The following CSMD1 variants were observed in gnomAD, a reference collection of about 807,000 sequenced individuals.
CSMD1 encodes the protein CUB and sushi domain-containing protein 1.
Under a neutral mutation model 417.5 loss-of-function variants are expected in CSMD1, and 213 were observed. The ratio of observed to expected loss-of-function variants is 0.51; its 90% CI spans 0.46 to 0.57. The LOEUF (loss-of-function observed/expected upper bound fraction) is 0.57. Ranked by LOEUF, CSMD1 falls within the 20% of genes least tolerant of loss-of-function variation. The pLI is 0.00. For synonymous variants in CSMD1, 2,862 were observed against 1,736.8 expected (o/e 1.65, Z -16.11); for missense variants, 6,923 against 4,529.7 (o/e 1.53, Z -15.17).
chr8:3,841,208 T>C (rs1294767987), intron 5 of CSMD1, among the ~76,000 whole-genome samples: 3 of 152,194 alleles, frequency 2.0e-5, no homozygotes, highest in Non-Finnish European at 2.9e-5. Context: ...TTCCATACAA[T>C]TTCAATAAAC....
At chr8:3,261,227 T>C (rs915857720) in intron 26 of CSMD1, among the ~76,000 whole-genome samples, 2 of 152,156 alleles carry the variant, frequency 1.3e-5, no homozygotes, top group African/African-American at 2.4e-5. Flanking sequence ...AAATGTTGCA[T>C]AGGAGGCAGA....
intron 3 of CSMD1, among the ~76,000 whole-genome samples, chr8:4,286,694 T>C (rs1797073983): frequency 6.6e-6 from 1 of 152,118 alleles, no homozygotes; most frequent in African/African-American, 2.4e-5. Flanking sequence ...ACAGTGGAAA[T>C]CAAACAAGAG....
chr8:3,832,327 T>C (rs1361089549), intron 5 of CSMD1, among the ~76,000 whole-genome samples: 5 of 152,332 alleles, frequency 3.3e-5, no homozygotes, highest in African/African-American at 1.2e-4. Flanking sequence ...ATGTTCCTTG[T>C]TCAAAATATA....
intron 5 of CSMD1, among the ~76,000 whole-genome samples, chr8:3,967,516 G>T (rs1316796366): frequency 6.6e-6 from 1 of 151,924 alleles, no homozygotes; most frequent in African/African-American, 2.4e-5. Flanking sequence ...CTTGGATGGA[G>T]AATTAAAGAG....
At chr8:4,651,646 G>A (rs1265568637) in intron 1 of CSMD1, among the ~76,000 whole-genome samples, 2 of 152,130 alleles carry the variant, frequency 1.3e-5, no homozygotes, top group Non-Finnish European at 2.9e-5. Context: ...CACATCTTCT[G>A]GGATAATTCT....
chr8:4,759,388 C>G (rs1247002067), intron 1 of CSMD1, among the ~76,000 whole-genome samples: 3 of 152,168 alleles, frequency 2.0e-5, no homozygotes, highest in African/African-American at 7.2e-5. Flanking sequence ...GGCTATTATC[C>G]AATGGCATCT....
intron 2 of CSMD1, among the ~76,000 whole-genome samples, chr8:4,614,756 G>T (rs1375130300): frequency 6.6e-6 from 1 of 152,064 alleles, no homozygotes; most frequent in African/African-American, 2.4e-5. Flanking sequence ...ACTGTCACCT[G>T]AGATAATAAT....
At chr8:3,941,871 C>A (rs1183563174) in intron 5 of CSMD1, among the ~76,000 whole-genome samples, 1 of 152,116 alleles carries the variant, frequency 6.6e-6, no homozygotes, top group Non-Finnish European at 1.5e-5. Flanking sequence ...TGGCTATGGG[C>A]CAGTGTCAGT....
intron 3 of CSMD1, among the ~76,000 whole-genome samples, chr8:4,283,662 C>A (rs756773580): frequency 6.6e-6 from 1 of 152,176 alleles, no homozygotes; most frequent in Non-Finnish European, 1.5e-5. Flanking sequence ...CCAACAGACA[C>A]ACCTCAGTTT....
intron 7 of CSMD1, among the ~76,000 whole-genome samples, chr8:3,635,367 G>C (rs890475583): frequency 6.6e-6 from 1 of 152,020 alleles, no homozygotes; most frequent in Non-Finnish European, 1.5e-5. Flanking sequence ...CCAGCTACTC[G>C]GGAGGCTGAG....
chr8:3,663,843 G>A (rs1481314847), intron 7 of CSMD1, among the ~76,000 whole-genome samples: 1 of 152,172 alleles, frequency 6.6e-6, no homozygotes, highest in Non-Finnish European at 1.5e-5. Flanking sequence ...GGGGGCACGT[G>A]TTATCAGGAT....
chr8:4,164,392 A>G (rs1369089195), intron 3 of CSMD1, among the ~76,000 whole-genome samples: 2 of 152,188 alleles, frequency 1.3e-5, no homozygotes, highest in Non-Finnish European at 2.9e-5. Flanking sequence ...ACACTTACAC[A>G]TTCAGGTAAG....
intron 7 of CSMD1, among the ~76,000 whole-genome samples, chr8:3,668,956 G>T (rs1440319654): frequency 6.6e-6 from 1 of 152,136 alleles, no homozygotes; most frequent in African/African-American, 2.4e-5. Context: ...AGGAAAGATG[G>T]GGAGAAATCA....
Position 4,586,772 on chromosome 8 carries a change from T to C in CSMD1, c.302+50570A>G, listed in dbSNP as rs1203632148. On this transcript the variant is annotated intron_variant, in intron 2 of 69. Transcript: ENST00000635120. ...AGCTGTGCGGTTCCCCATGGCACTT[T>C]CTGTGCTCCTCCAGGATGATACTGG... Among the ~76,000 whole-genome samples the C allele has an allele frequency of 2.0e-5, 3 of 152,314 alleles. No homozygotes were observed. In the East Asian group the frequency reaches 5.8e-4, roughly 29 times the overall value.
chr8:4,794,461 C>G (rs1204773788), intron 1 of CSMD1, among the ~76,000 whole-genome samples: 2 of 152,086 alleles, frequency 1.3e-5, no homozygotes, highest in Non-Finnish European at 1.5e-5. Flanking sequence ...CCTCATTGCT[C>G]TTAAAATCCA....
At chr8:4,459,728 C>A (rs778174874) in intron 2 of CSMD1, among the ~76,000 whole-genome samples, 6 of 152,148 alleles carry the variant, frequency 3.9e-5, no homozygotes, top group Admixed American at 6.5e-5. Flanking sequence ...ATGAAGCAAT[C>A]AGGTGGAAAT....
At chr8:3,384,583 T>C (rs1011208689) in intron 18 of CSMD1, among the ~76,000 whole-genome samples, 21 of 149,098 alleles carry the variant, frequency 1.4e-4, no homozygotes, top group Admixed American at 6.8e-4. Context: ...CGTATCCATT[T>C]GGAGCATTTC....
intron 2 of CSMD1, among the ~76,000 whole-genome samples, chr8:4,559,914 C>T (rs1798254376): frequency 2.0e-5 from 3 of 152,234 alleles, no homozygotes; most frequent in Admixed American, 2.0e-4. Flanking sequence ...TTTCTCATGA[C>T]CCTGGGTTTC....
At chr8:4,326,505 C>T (rs1292963338) in intron 3 of CSMD1, among the ~76,000 whole-genome samples, 1 of 152,074 alleles carries the variant, frequency 6.6e-6, no homozygotes, top group Non-Finnish European at 1.5e-5. Context: ...GAAAAAAGGT[C>T]CATAAACGAG....
Sources: allele counts gnomAD v4.1 joint callset (sites outside exome capture counted in the v4.1 genomes callset), GRCh38; gene constraint gnomAD v4.1.1; transcripts MANE v1.5; gene names NCBI Gene and HGNC (gene_info 2026-07-23, HGNC 2026-07-21).